The following SYNPO2L variants were observed in gnomAD, a reference collection of about 807,000 sequenced individuals.
SYNPO2L encodes synaptopodin 2 like, also known as synaptopodin 2-like protein.
In SYNPO2L, 34 loss-of-function variants were observed where a neutral mutation model predicts 47.5. The ratio of observed to expected loss-of-function variants is 0.72; its 90% CI spans 0.54 to 0.95. SYNPO2L has a LOEUF of 0.95. Among genes scored for constraint, SYNPO2L ranks in the 40% least tolerant of loss-of-function variants. The pLI is 0.00. For missense variants in SYNPO2L, 1,246 were observed against 1,282.0 expected (o/e 0.97, Z 0.43); for synonymous variants, 536 against 524.9 (o/e 1.02, Z -0.29).
rs182419981 is a variant in SYNPO2L at position 73,645,864 on chromosome 10, G to A, written c.*854C>T. Reference sequence around the variant, plus strand: ...TTTTGAGACAGAGTCTCGCTCCGTCGCCCAGGCTGGAGTGCAGTGGCGCAA... The same window carrying A: ...TTTTGAGACAGAGTCTCGCTCCGTCACCCAGGCTGGAGTGCAGTGGCGCAA... On this transcript the variant is annotated 3_prime_UTR_variant, in exon 4 of 4. Transcript: ENST00000394810. 5.4e-5 allele frequency: 53 copies of A among 984,612 alleles called. No homozygotes were observed. The highest frequency in any genetic ancestry group is 2.5e-4 in the Admixed American group (4 of 16,278). The allele number at this position is 984,612 out of a possible 1,614,324, so 61.0% of individuals were successfully genotyped here.
rs140990304 is a variant in SYNPO2L, at chr10:73,647,703, G to T, written c.1949C>A (p.Pro650His). 11 of 1,614,058 alleles carry T rather than the reference G, an allele frequency of 6.8e-6. No individual in the cohort carries two copies. In the African/African-American group the frequency reaches 1.3e-4, roughly 20 times the overall value. Residue 650 changes from proline to histidine, a missense_variant, in exon 4 of 4, where the codon CCC (proline) becomes CAC (histidine). Physicochemically the swap from Pro to His is moderately conservative, Grantham distance 77. This residue lies in a region of SYNPO2L where 1,037 missense variants were observed against 1,021.5 expected (regional missense o/e 1.02). Transcript: ENST00000394810. ...GTTCTGTACCAGCGATAGCAGCTCG[G>T]GGTTGGGCGAGTTCTTCGTCTCCTC... Reference protein sequence around the residue: ...GKEETKNSPNPELLSLVQNLD... With the variant: ...GKEETKNSPNHELLSLVQNLD...
At position 73,648,689 on chromosome 10, in the gene SYNPO2L, A is replaced by G. The variant is rs2081808807; in HGVS notation, c.963T>C (p.Ala321=). Residue 321 remains alanine (A), a synonymous_variant, in exon 4 of 4, where the codon GCT becomes GCC. Transcript: ENST00000394810. ...TGGGGGGAACGCCGTCCTCCTCCTC[A>G]GCGCCTGTCCCAGCAGCAGCCCCGA... ...VSFGAAAGTG[A]EEEDGVPPTS... 2 of 1,609,904 alleles carry G rather than the reference A, an allele frequency of 1.2e-6. No homozygotes were observed. The highest frequency in any genetic ancestry group is 2.2e-5 in the South Asian group (2 of 90,992).
At chr10:73,652,375 AC>A in intron 3 of SYNPO2L, among the ~76,000 whole-genome samples, 1 of 151,726 alleles carries the variant, frequency 6.6e-6, no homozygotes, top group East Asian at 2.0e-4. Flanking sequence ...CTGGTCTCAA[AC>A]TCCTGGCTTC....
chr10:73,653,968 A>G, intron 2 of SYNPO2L, 161 bp downstream of exon 2: 2 of 969,724 alleles, frequency 2.1e-6, no homozygotes, highest in East Asian at 5.3e-5. Context: ...GATACATTCA[A>G]GCCCTCTGGG....
chr10:73,655,900 A>G lies in SYNPO2L; in HGVS notation c.23T>C (p.Leu8Pro). The G allele has an allele frequency of 6.4e-7, 1 of 1,551,100 alleles. No individual in the cohort carries two copies. Among genetic ancestry groups the G allele is most frequent in the South Asian group, 1.2e-5 (1 of 84,016 alleles). Residue 8 changes from leucine (L) to proline (P), a missense_variant, in exon 1 of 4, where the codon CTG becomes CCG. Coordinates refer to ENST00000394810, the MANE Select transcript of SYNPO2L (RefSeq NM_001114133.3). Reference protein sequence around the residue: MGAEEEVLVTLSGGAPWG... With the variant: MGAEEEVPVTLSGGAPWG... ...GGGGGCTCCCCCTGATAGTGTGACCAGCACCTCCTCCTCAGCACCCATCGC... is the reference window on the plus strand; with the variant it reads ...GGGGGCTCCCCCTGATAGTGTGACCGGCACCTCCTCCTCAGCACCCATCGC...
intron 3 of SYNPO2L, among the ~76,000 whole-genome samples, chr10:73,651,202 C>T (rs535898422): frequency 1.1e-4 from 16 of 152,290 alleles, no homozygotes; most frequent in Admixed American, 7.2e-4. Context: ...CCTTCCCTTC[C>T]CCCAACCCCA....
At chr10:73,653,783 G>A in intron 2 of SYNPO2L, 130 bp from the exon 3 acceptor site, 1 of 1,268,790 alleles carries the variant, frequency 7.9e-7, no homozygotes, top group Non-Finnish European at 1.1e-6. Flanking sequence ...TCATACAGTT[G>A]GAATGGGTGG....
intron 3 of SYNPO2L, chr10:73,650,229 C>T: frequency 1.0e-6 from 1 of 985,078 alleles, no homozygotes; most frequent in Non-Finnish European, 1.2e-6. Context: ...TAATGAGCTC[C>T]TTTGTAATGA....
At position 73,647,310 on chromosome 10, in the gene SYNPO2L, C is replaced by T. The variant is rs1386725819; in HGVS notation, c.2342G>A (p.Gly781Asp). 6.2e-7 allele frequency: 1 copy of T among 1,614,090 alleles called. No homozygotes were observed. Among genetic ancestry groups the T allele is most frequent in the South Asian group, 1.1e-5 (1 of 91,090 alleles). The change falls in exon 4 of 4, where the codon GGT (glycine) becomes GAT (aspartate). Residue 781 changes from glycine (G) to aspartate (D), a missense_variant. By Grantham distance (94) the Gly-to-Asp change is moderately conservative. Coordinates refer to ENST00000394810, the MANE Select transcript of SYNPO2L (RefSeq NM_001114133.3). ...AGGACTTCTAGGCCGAGGGCCAAGA[C>T]CAGGACCAGGTGTACCTTCCACCAC... The part of the protein sequence containing the change: ...RYVVEGTPGP[G>D]LGPRPRSPSP...
intron 3 of SYNPO2L, chr10:73,649,604 C>G: frequency 1.8e-6 from 1 of 552,658 alleles, no homozygotes; most frequent in Non-Finnish European, 2.3e-6. Context: ...CAGCTCCATT[C>G]ACATACACTT....
chr10:73,654,002 T>C (rs1314841663), intron 2 of SYNPO2L, 127 bp downstream of exon 2: 1 of 1,268,604 alleles, frequency 7.9e-7, no homozygotes, highest in African/African-American at 1.5e-5. Flanking sequence ...CCATCTGCAC[T>C]CCAGCAGAAA....
At position 73,648,621 on chromosome 10, in the gene SYNPO2L, C is replaced by T. The variant is rs1214058892; in HGVS notation, c.1031G>A (p.Arg344His). 3.1e-6 allele frequency: 5 copies of T among 1,614,004 alleles called. No homozygotes were observed. The highest frequency in any genetic ancestry group is 4.2e-6 in the Non-Finnish European group (5 of 1,179,886). ...ELDEEAFSDA[R>H]SLTNQSDWDS... ...CCAGTCAGATTGATTGGTGAGGCTG[C>T]GGGCGTCAGAGAAGGCTTCTTCGTC... The change falls in exon 4 of 4, where the codon CGC (arginine) becomes CAC (histidine). Residue 344 changes from arginine to histidine, a missense_variant. Arg to His is a conservative substitution (Grantham distance 29). Coordinates refer to ENST00000394810, the MANE Select transcript of SYNPO2L (RefSeq NM_001114133.3).
At position 73,648,286 on chromosome 10, in the gene SYNPO2L, C is replaced by T. The variant is rs2081798398; in HGVS notation, c.1366G>A (p.Ala456Thr). The stretch of plus-strand genomic sequence containing the variant: ...AAGATGCTTGGAGCTGGGGTCGGGG[C>T]TCCACCACCTGGTTGGAAGGGTCTG... ...SPRPFQPGGG[A>T]PTPAPSIFNR... Residue 456 changes from alanine to threonine, a missense_variant, in exon 4 of 4, where the codon GCC (alanine) becomes ACC (threonine). This residue lies in a region of SYNPO2L where 1,037 missense variants were observed against 1,021.5 expected (regional missense o/e 1.02). Transcript: ENST00000394810. The T allele has an allele frequency of 6.2e-7, 1 of 1,602,228 alleles. No homozygotes were observed. Among genetic ancestry groups the T allele is most frequent in the Admixed American group, 1.7e-5 (1 of 59,870 alleles).
rs1286781455 is a variant in SYNPO2L, at chr10:73,645,659, C to T, written c.*1059G>A. ...TCAGCCCATGCAAACTGTCCTGGCC[C>T]TTCAGTCTTTTCATGCTCCATAACT... On this transcript the variant is annotated 3_prime_UTR_variant, in exon 4 of 4. Transcript: ENST00000394810. 8.1e-6 allele frequency: 8 copies of T among 985,900 alleles called. No homozygotes were observed. The highest frequency in any genetic ancestry group is 7.2e-6 in the Non-Finnish European group (6 of 830,132). 61.1% of individuals were successfully genotyped at this position (985,900 alleles called of 1,614,324 possible). A position where few individuals can be genotyped will look rare whatever the true frequency, so the allele number is the denominator to read the frequency against.
At chr10:73,649,932 G>A in intron 3 of SYNPO2L, 1 of 985,386 alleles carries the variant, frequency 1.0e-6, no homozygotes, top group Non-Finnish European at 1.2e-6. Context: ...CCCCAAGCTG[G>A]GGATGGTAGT....
Position 73,646,257 on chromosome 10 carries a change from TG to T in SYNPO2L, c.*460del. ...GCCAGTCAAGCTTGGGAAAGCAGAGTGGGGGGTGGGGGTGGCTTAGTGCAAA... is the reference window on the plus strand; with the variant it reads ...GCCAGTCAAGCTTGGGAAAGCAGAGTGGGGGTGGGGGTGGCTTAGTGCAAA... On this transcript the variant is annotated 3_prime_UTR_variant, in exon 4 of 4. Coordinates refer to ENST00000394810, the MANE Select transcript of SYNPO2L (RefSeq NM_001114133.3). 2 of 970,558 alleles carry T rather than the reference TG, an allele frequency of 2.1e-6. No homozygotes were observed. The highest frequency in any genetic ancestry group is 2.4e-6 in the Non-Finnish European group (2 of 827,382). 60.1% of individuals were successfully genotyped at this position (970,558 alleles called of 1,614,324 possible). A position where few individuals can be genotyped will look rare whatever the true frequency, so the allele number is the denominator to read the frequency against.
intron 3 of SYNPO2L, chr10:73,649,848 T>A (rs1165675120): frequency 4.1e-6 from 4 of 985,412 alleles, no homozygotes; most frequent in Non-Finnish European, 4.8e-6. Context: ...CAGGAAAAGT[T>A]AGAGTGTTGT....
chr10:73,648,176 G>T lies in SYNPO2L; in HGVS notation c.1476C>A (p.Pro492=). Residue 492 remains proline (P), a synonymous_variant, in exon 4 of 4, where the codon CCC becomes CCA. Coordinates refer to ENST00000394810, the MANE Select transcript of SYNPO2L (RefSeq NM_001114133.3). ...TTSVIFRPLA[P]KRANDSLGGL... ...CCCCCAGGCTGTCGTTCGCCCTTTT[G>T]GGGGCTAAAGGCCGGAAAATAACCG... 1 of 1,560,854 alleles carries T rather than the reference G, an allele frequency of 6.4e-7. No homozygotes were observed. The highest frequency in any genetic ancestry group is 8.7e-7 in the Non-Finnish European group (1 of 1,155,582).
Position 73,647,191 on chromosome 10 carries a change from A to T in SYNPO2L, c.2461T>A (p.Phe821Ile), listed in dbSNP as rs760804531. 1 of 1,613,752 alleles carries T rather than the reference A, an allele frequency of 6.2e-7. No homozygotes were observed. Among genetic ancestry groups the T allele is most frequent in the Non-Finnish European group, 8.5e-7 (1 of 1,179,904 alleles). ...IAYNPLLSPF[F>I]PQAARTLPKA... is the part of the protein sequence containing the mutation. ...GGGAGAGTTCGGGCCGCCTGGGGGA[A>T]AAAGGGAGAGAGCAGTGGGTTGTAA... Residue 821 changes from phenylalanine to isoleucine, a missense_variant, in exon 4 of 4, where the codon TTC becomes ATC. Phe to Ile is a conservative substitution (Grantham distance 21). Around this residue, in one of 3 missense-constraint regions of SYNPO2L, gnomAD observed 1,037 missense variants for 1,021.5 expected, o/e 1.02. Coordinates refer to ENST00000394810, the MANE Select transcript of SYNPO2L (RefSeq NM_001114133.3).
Sources: allele counts gnomAD v4.1 joint callset (sites outside exome capture counted in the v4.1 genomes callset), GRCh38; gene constraint gnomAD v4.1.1; regional missense constraint gnomAD v4.1.1; transcripts MANE v1.5; gene names NCBI Gene and HGNC (gene_info 2026-07-23, HGNC 2026-07-21).